The following FAT3 variants were observed in gnomAD, a reference collection of about 807,000 sequenced individuals.
FAT3 encodes the protein FAT atypical cadherin 3.
A neutral mutation model predicts 310.2 loss-of-function variants in FAT3; 95 were observed. The observed-to-expected ratio is 0.31, with a 90% confidence interval of 0.26 to 0.36. The LOEUF is 0.36. Ranked by LOEUF, FAT3 falls within the 10% of genes least tolerant of loss-of-function variation. The pLI is 1.00. For missense variants in FAT3, 5,408 were observed against 5,715.6 expected (o/e 0.95, Z 1.74); for synonymous variants, 2,314 against 2,192.9 (o/e 1.06, Z -1.54).
intron 2 of FAT3, among the ~76,000 whole-genome samples, chr11:92,411,876 A>T (rs1200113583): frequency 1.3e-5 from 2 of 151,752 alleles, no homozygotes; most frequent in Non-Finnish European, 2.9e-5. Flanking sequence ...TTCAAGGAGG[A>T]TATTAAGTTC....
chr11:92,651,092 C>A (rs1326680663), intron 3 of FAT3, among the ~76,000 whole-genome samples: 2 of 152,208 alleles, frequency 1.3e-5, no homozygotes, highest in African/African-American at 4.8e-5. Context: ...ATATACTTAA[C>A]AAAGTAAGGC....
chr11:92,384,286 G>A (rs549146060), intron 2 of FAT3, among the ~76,000 whole-genome samples: 11 of 152,242 alleles, frequency 7.2e-5, no homozygotes, highest in East Asian at 1.9e-4. Flanking sequence ...CTGCTAAGAA[G>A]CCTTAATAAG....
chr11:92,270,257 C>A (rs1003671598), intron 1 of FAT3, among the ~76,000 whole-genome samples: 1 of 152,104 alleles, frequency 6.6e-6, no homozygotes. Context: ...TTCTCAGTCT[C>A]CTTTATTGAT....
At chr11:92,425,993 C>T (rs1009165052) in intron 2 of FAT3, among the ~76,000 whole-genome samples, 7 of 152,194 alleles carry the variant, frequency 4.6e-5, no homozygotes, top group Admixed American at 6.5e-5. Flanking sequence ...AATTTACACT[C>T]CCACCAACAA....
chr11:92,687,568 T>C (rs1347623450), intron 3 of FAT3, among the ~76,000 whole-genome samples: 1 of 152,200 alleles, frequency 6.6e-6, no homozygotes. Flanking sequence ...GATCTTGCCT[T>C]GTACTGTAGT....
intron 2 of FAT3, among the ~76,000 whole-genome samples, chr11:92,387,063 AGTGTGTGTGTGTGTGTGTGTGTGT>A (rs67529435): frequency 0.027 from 3,826 of 144,244 alleles, 59 homozygotes; most frequent in Non-Finnish European, 0.04. Flanking sequence ...TATGGGAGCT[AGTGTGTGTGTGTGTGTGTGTGTGT>A]GTGTGTGTGT....
chr11:92,754,944 T>C (rs1945948357), intron 4 of FAT3, among the ~76,000 whole-genome samples: 1 of 152,026 alleles, frequency 6.6e-6, no homozygotes, highest in Non-Finnish European at 1.5e-5. Context: ...TGAAGAACAT[T>C]ATGTTAACTC....
rs534147854 is a variant in FAT3 at position 92,352,191 on chromosome 11, G to A, written c.79G>A (p.Ala27Thr). Residue 27 changes from alanine to threonine, a missense_variant, in exon 2 of 28, where the codon GCC becomes ACC. This residue lies in a region of FAT3 where 152 missense variants were observed against 188.3 expected (regional missense o/e 0.81). Coordinates refer to ENST00000525166, the MANE Select transcript of FAT3 (RefSeq NM_001367949.2). ...CLILLLFKLLATVSQGLPGTG... is the reference protein window; with the variant it reads ...CLILLLFKLLTTVSQGLPGTG... ...CATCCTCCTGCTTTTCAAGCTTTTG[G>A]CCACTGTCTCCCAGGGGCTGCCAGG... 4 of 1,374,692 alleles carry A rather than the reference G, an allele frequency of 2.9e-6. No individual in the cohort carries two copies. The East Asian group carries it at 1.3e-4, about 46-fold the overall frequency. The allele number at this position is 1,374,692 out of a possible 1,614,324, so 85.2% of individuals were successfully genotyped here.
chr11:92,792,692 C>T (rs1225881199), intron 8 of FAT3, 75 bp from the exon 9 acceptor site: 6 of 1,431,976 alleles, frequency 4.2e-6, no homozygotes, highest in Non-Finnish European at 5.8e-6. Context: ...ATTTTGTTTT[C>T]ACCCCAAACA....
intron 3 of FAT3, among the ~76,000 whole-genome samples, chr11:92,683,635 T>C (rs188786724): frequency 1.3e-5 from 2 of 152,250 alleles, no homozygotes; most frequent in South Asian, 2.1e-4. Context: ...TTTCCCCTTA[T>C]TCTCAGCATC....
chr11:92,574,617 A>G (rs937249754), intron 3 of FAT3, among the ~76,000 whole-genome samples: 1 of 152,118 alleles, frequency 6.6e-6, no homozygotes, highest in Admixed American at 6.6e-5. Flanking sequence ...TTCTGATACA[A>G]CCTGTCAATT....
intron 2 of FAT3, among the ~76,000 whole-genome samples, chr11:92,358,166 C>CA (rs1555022156): frequency 1.3e-5 from 2 of 151,842 alleles, no homozygotes; most frequent in Non-Finnish European, 2.9e-5. Context: ...GACAGAGTGA[C>CA]ACGCTGTCTT....
intron 3 of FAT3, among the ~76,000 whole-genome samples, chr11:92,636,647 G>A (rs1426716554): frequency 6.6e-6 from 1 of 152,204 alleles, no homozygotes; most frequent in Non-Finnish European, 1.5e-5. Flanking sequence ...ATTCATGACA[G>A]CTATTGGGCT....
rs1565296285 is a variant in FAT3, at chr11:92,412,729, AT to A, written c.3292+57326del. ...TATATATATATATATATATATATAT[AT>A]ATATATATATATATAAATATACATA... On this transcript the variant is annotated intron_variant, in intron 2 of 27. Coordinates refer to ENST00000525166, the MANE Select transcript of FAT3 (RefSeq NM_001367949.2). 6.4e-3 allele frequency among the ~76,000 whole-genome samples: 301 copies of A among 47,074 alleles called. 33 individuals carry two copies. The highest frequency in any genetic ancestry group is 0.02 in the African/African-American group (288 of 14,244). 30.9% of individuals were successfully genotyped at this position (47,074 alleles called of 152,430 possible).
intron 2 of FAT3, among the ~76,000 whole-genome samples, chr11:92,369,869 AC>A (rs894208240): frequency 6.6e-6 from 1 of 152,026 alleles, no homozygotes; most frequent in Admixed American, 6.5e-5. Context: ...AACAAAAAAA[AC>A]TGCAAGTTCA....
chr11:92,857,375 A>T (rs1371003594), intron 20 of FAT3, 27 bp downstream of exon 20: 1 of 1,612,048 alleles, frequency 6.2e-7, no homozygotes, highest in African/African-American at 1.3e-5. Flanking sequence ...AATGATGCAG[A>T]TCTAATTTCA....
At chr11:92,775,904 A>C (rs1946586292) in intron 7 of FAT3, among the ~76,000 whole-genome samples, 1 of 152,210 alleles carries the variant, frequency 6.6e-6, no homozygotes, top group South Asian at 2.1e-4. Flanking sequence ...CAAGGCTGAA[A>C]TATAGACACA....
At chr11:92,856,744 T>C (rs1049480995) in intron 19 of FAT3, among the ~76,000 whole-genome samples, 1 of 151,020 alleles carries the variant, frequency 6.6e-6, no homozygotes, top group Admixed American at 6.6e-5. Flanking sequence ...AGAAATGTCT[T>C]TTTTTTTTCC....
rs1947282825 is a variant in FAT3, at chr11:92,799,775, C to T, written c.6762C>T (p.Tyr2254=). ...SPLDYEVTSA[Y]KLTIRASDAL... ...TGGATTATGAAGTTACATCTGCTTA[C>T]AAGCTGACAATAAGAGCCAGCGACG... Residue 2254 remains tyrosine (Y), a synonymous_variant, in exon 10 of 28, where the codon TAC becomes TAT. Transcript: ENST00000525166. 2.6e-5 allele frequency: 42 copies of T among 1,612,624 alleles called. No individual in the cohort carries two copies. The East Asian group carries it at 8.9e-4, about 34-fold the overall frequency.
Sources: allele counts gnomAD v4.1 joint callset (sites outside exome capture counted in the v4.1 genomes callset), GRCh38; gene constraint gnomAD v4.1.1; regional missense constraint gnomAD v4.1.1; transcripts MANE v1.5; gene names NCBI Gene and HGNC (gene_info 2026-07-23, HGNC 2026-07-21).